RPS6KC1: variants seen among roughly 807,000 people sequenced by gnomAD.
RPS6KC1 encodes ribosomal protein S6 kinase C1, also known as inactive ribosomal protein S6 kinase delta-1.
Under a neutral mutation model 103.8 loss-of-function variants are expected in RPS6KC1, and 54 were observed. The ratio of observed to expected loss-of-function variants is 0.52; its 90% confidence interval spans 0.42 to 0.65. The LOEUF is 0.65. Ranked by LOEUF, RPS6KC1 falls within the 30% of genes least tolerant of loss-of-function variation. RPS6KC1 has a pLI of 0.00. For synonymous variants in RPS6KC1, 439 were observed against 438.7 expected (o/e 1.00, Z -0.01); for missense variants, 1,151 against 1,253.8 (o/e 0.92, Z 1.24).
At chr1:213,331,196 G>C in the RPS6KC1 span, among the ~76,000 whole-genome samples, 59 of 152,246 alleles carry the variant, frequency 3.9e-4, no homozygotes, top group Middle Eastern at 0.01. Context: ...ATGTATGGAG[G>C]ATTCATATTT....
chr1:213,185,461 A>G (rs1459041747), intron 8 of RPS6KC1, among the ~76,000 whole-genome samples: 1 of 152,112 alleles, frequency 6.6e-6, no homozygotes, highest in East Asian at 1.9e-4. Context: ...AGCCTGGCCA[A>G]CATGGTGAAA....
At chr1:213,854,161 A>T in the RPS6KC1 span, among the ~76,000 whole-genome samples, 10 of 152,172 alleles carry the variant, frequency 6.6e-5, no homozygotes, top group Non-Finnish European at 8.8e-5. Flanking sequence ...CCCTACCTCA[A>T]CCACAAATAG....
At chr1:213,666,296 G>A in the RPS6KC1 span, among the ~76,000 whole-genome samples, 1 of 152,128 alleles carries the variant, frequency 6.6e-6, no homozygotes, top group East Asian at 1.9e-4. Context: ...GAAACACAAG[G>A]TGGTGCTAAG....
the RPS6KC1 span, among the ~76,000 whole-genome samples, chr1:213,510,414 T>G: frequency 6.6e-6 from 1 of 152,186 alleles, no homozygotes; most frequent in Non-Finnish European, 1.5e-5. Flanking sequence ...GTTTTTGTTG[T>G]TGATAAAACA....
At chr1:213,131,528 T>G (rs1377788665) in intron 6 of RPS6KC1, among the ~76,000 whole-genome samples, 1 of 152,008 alleles carries the variant, frequency 6.6e-6, no homozygotes, top group African/African-American at 2.4e-5. Context: ...GCTGCAACCT[T>G]TGCCTCCGGG....
the RPS6KC1 span, among the ~76,000 whole-genome samples, chr1:213,445,697 A>G: frequency 6.6e-6 from 1 of 152,164 alleles, no homozygotes; most frequent in Admixed American, 6.5e-5. Flanking sequence ...CAGGAATCTG[A>G]AGTAGCCGAG....
chr1:213,233,198 A>G (rs2094144503), intron 10 of RPS6KC1, among the ~76,000 whole-genome samples: 1 of 152,212 alleles, frequency 6.6e-6, no homozygotes, highest in African/African-American at 2.4e-5. Flanking sequence ...GCACAAGATA[A>G]CTACAGATGG....
At chr1:213,738,153 A>G in the RPS6KC1 span, among the ~76,000 whole-genome samples, 1 of 152,194 alleles carries the variant, frequency 6.6e-6, no homozygotes, top group Non-Finnish European at 1.5e-5. Flanking sequence ...ATTTATACAC[A>G]CACACATATA....
chr1:213,171,849 T>C (rs2091500177), intron 7 of RPS6KC1, among the ~76,000 whole-genome samples: 1 of 152,180 alleles, frequency 6.6e-6, no homozygotes, highest in South Asian at 2.1e-4. Flanking sequence ...GGTTGGTAGA[T>C]TGCCCGTGAA....
chr1:213,503,076 T>C, the RPS6KC1 span, among the ~76,000 whole-genome samples: 1 of 152,106 alleles, frequency 6.6e-6, no homozygotes, highest in African/African-American at 2.4e-5. Flanking sequence ...TTTTTTTTCT[T>C]TTGTATTCTG....
At chr1:213,413,081 G>A in the RPS6KC1 span, among the ~76,000 whole-genome samples, 4 of 152,296 alleles carry the variant, frequency 2.6e-5, no homozygotes, top group African/African-American at 9.6e-5. Context: ...TTCATTGAAT[G>A]AATGAATGAC....
At chr1:213,076,906 G>C (rs1490913266) in intron 2 of RPS6KC1, among the ~76,000 whole-genome samples, 1 of 145,576 alleles carries the variant, frequency 6.9e-6, no homozygotes, top group Non-Finnish European at 1.5e-5. Flanking sequence ...GTCTTACTCT[G>C]TTGCTGAGGC....
the RPS6KC1 span, among the ~76,000 whole-genome samples, chr1:213,787,093 A>G: frequency 6.6e-6 from 1 of 152,206 alleles, no homozygotes; most frequent in Non-Finnish European, 1.5e-5. Flanking sequence ...TACTAACCTT[A>G]TAACTTTCAT....
At chr1:213,588,067 A>G in the RPS6KC1 span, among the ~76,000 whole-genome samples, 1 of 152,110 alleles carries the variant, frequency 6.6e-6, no homozygotes, top group Non-Finnish European at 1.5e-5. Context: ...GAAGGGGCCA[A>G]TAAGCTCCCT....
At chr1:213,731,987 G>A in the RPS6KC1 span, among the ~76,000 whole-genome samples, 2 of 152,062 alleles carry the variant, frequency 1.3e-5, no homozygotes, top group African/African-American at 4.8e-5. Context: ...ATACACATGT[G>A]CCTAAGAAAG....
At chr1:213,363,605 G>A in the RPS6KC1 span, among the ~76,000 whole-genome samples, 1 of 61,712 alleles carries the variant, frequency 1.6e-5, no homozygotes, top group Admixed American at 1.6e-4. Flanking sequence ...TTGCTCGCTC[G>A]CTTGCTTGCT....
intron 12 of RPS6KC1, among the ~76,000 whole-genome samples, chr1:213,250,367 G>C (rs1386874491): frequency 2.0e-5 from 3 of 152,168 alleles, no homozygotes; most frequent in South Asian, 2.1e-4. Context: ...AACAGTTCAT[G>C]TACCCTGCTC....
intron 4 of RPS6KC1, among the ~76,000 whole-genome samples, chr1:213,117,060 A>G (rs1234496680): frequency 6.6e-6 from 1 of 152,142 alleles, no homozygotes; most frequent in Non-Finnish European, 1.5e-5. Context: ...GAAAGTACAG[A>G]GTTTTCTCAT....
At chr1:213,077,864 T>G in intron 3 of RPS6KC1, 48 bp downstream of exon 3, 1 of 1,138,690 alleles carries the variant, frequency 8.8e-7, no homozygotes, top group Admixed American at 2.7e-5. Flanking sequence ...ATTAATTTTG[T>G]ATATATACTG....
Sources: gnomAD v4.1 joint callset for allele counts (sites outside exome capture counted in the v4.1 genomes callset) on GRCh38, gnomAD v4.1.1 for gene constraint, MANE v1.5 for transcripts, NCBI Gene and HGNC (gene_info 2026-07-23, HGNC 2026-07-21) for gene names.